Variants in CEP57 observed in about 807,000 individuals in gnomAD.
CEP57 encodes the protein centrosomal protein of 57 kDa.
A neutral mutation model predicts 68.0 loss-of-function variants in CEP57; 40 were observed. The observed-to-expected ratio is 0.59, with a 90% CI of 0.46 to 0.77. The LOEUF (loss-of-function observed/expected upper bound fraction) is 0.77. CEP57 is among the 30% of genes least tolerant of loss of function. The pLI is 0.00. For missense variants in CEP57, 606 were observed against 580.7 expected (o/e 1.04, Z -0.45); for synonymous variants, 219 against 198.7 (o/e 1.10, Z -0.86).
chr11:95,790,481 C>T, upstream of CEP57: 1 of 601,288 alleles, frequency 1.7e-6, no homozygotes, highest in Non-Finnish European at 3.0e-6. Flanking sequence ...GAAAGACGTC[C>T]GTTAGGACGT....
Position 95,791,030 on chromosome 11 carries a change from G to T in CEP57, c.45+287G>T, listed in dbSNP as rs1861029466. Among the ~76,000 whole-genome samples, 4 of 152,324 alleles carry T rather than the reference G, an allele frequency of 2.6e-5. No homozygotes were observed. In the South Asian group the frequency reaches 8.3e-4, roughly 32 times the overall value. ...GCCTAACATTCCCAAGGGCCGGCTG[G>T]GATAACTGCCCACTCCCTGGCCTGC... On this transcript the variant is annotated intron_variant, in intron 1 of 10. Coordinates refer to ENST00000325542, the MANE Select transcript of CEP57 (RefSeq NM_014679.5).
In CEP57 at chr11:95,827,893, T is replaced by G. The variant is rs768673146; in HGVS notation, c.993T>G (p.Pro331=). ...LCNDRVINSI[P]LAKQVSSRGG... ...ATGATCGAGTCATCAACAGTATTCC[T>G]TTGGCAAAGCAAGTATCTTCACGAG... Residue 331 remains proline (P), a synonymous_variant, in exon 9 of 11, where the codon CCT becomes CCG. Coordinates refer to ENST00000325542, the MANE Select transcript of CEP57 (RefSeq NM_014679.5). 12 of 1,614,148 alleles carry G rather than the reference T, an allele frequency of 7.4e-6. No homozygotes were observed. In the South Asian group the frequency reaches 1.3e-4, roughly 18 times the overall value.
chr11:95,794,335 CTG>C, intron 1 of CEP57: 1 of 455,854 alleles, frequency 2.2e-6, no homozygotes, highest in Non-Finnish European at 4.4e-6. Flanking sequence ...GCAAATATAA[CTG>C]AATGAATTAT....
intron 8 of CEP57, chr11:95,827,260 A>G (rs977235965): frequency 1.3e-5 from 2 of 155,706 alleles, no homozygotes; most frequent in African/African-American, 4.8e-5. Context: ...AGAAATGAAC[A>G]ATAGTGTCTA....
At position 95,819,581 on chromosome 11, in the gene CEP57, T is replaced by C. The variant is rs564660928; in HGVS notation, c.699+677T>C. Among the ~76,000 whole-genome samples the C allele has an allele frequency of 3.9e-5, 6 of 152,368 alleles. No individual in the cohort carries two copies. In the South Asian group the frequency reaches 1.2e-3, roughly 32 times the overall value. ...TTTTTAACTGAAGACACTCTCGTTA[T>C]GAGCGTATTTGCTCAAATTCCTCCC... On this transcript the variant is annotated intron_variant, in intron 6 of 10. Coordinates refer to ENST00000325542, the MANE Select transcript of CEP57 (RefSeq NM_014679.5).
intron 1 of CEP57, among the ~76,000 whole-genome samples, chr11:95,791,990 A>G (rs1320194688): frequency 6.6e-6 from 1 of 152,132 alleles, no homozygotes; most frequent in Non-Finnish European, 1.5e-5. Flanking sequence ...ATCTAGGGGG[A>G]AAGAGTTGGA....
chr11:95,824,922 A>G (rs961620687), intron 8 of CEP57, among the ~76,000 whole-genome samples: 14 of 152,204 alleles, frequency 9.2e-5, no homozygotes, highest in Admixed American at 8.5e-4. Flanking sequence ...TTTAGAAAAA[A>G]CATTGATCCA....
intron 4 of CEP57, among the ~76,000 whole-genome samples, chr11:95,814,841 T>C (rs1275316511): frequency 6.6e-6 from 1 of 152,186 alleles, no homozygotes; most frequent in Non-Finnish European, 1.5e-5. Flanking sequence ...TCAGTATCCA[T>C]GAGTGAATTG....
At chr11:95,820,942 C>T (rs1453176356) in intron 6 of CEP57, among the ~76,000 whole-genome samples, 2 of 152,188 alleles carry the variant, frequency 1.3e-5, no homozygotes, top group Admixed American at 1.3e-4. Context: ...CCCAAAGCTG[C>T]ACTCATGTGG....
At chr11:95,822,015 T>C (rs764244846) in intron 7 of CEP57, 37 bp downstream of exon 7, 1 of 1,385,312 alleles carries the variant, frequency 7.2e-7, no homozygotes, top group Non-Finnish European at 1.0e-6. Context: ...AAATGCTGAT[T>C]ACTTGGTATA....
rs185181743 is a variant in CEP57, at chr11:95,827,931, A to G, written c.1031A>G (p.Lys344Arg). ...KQVSSRGGKS[K>R]KLSVTPPSSN... Reference sequence around the variant, plus strand: ...GTATCTTCACGAGGTGGTAAAAGTAAGAAGTTGTCAGTAACACCTCCCTCC... The same window carrying G: ...GTATCTTCACGAGGTGGTAAAAGTAGGAAGTTGTCAGTAACACCTCCCTCC... Residue 344 changes from lysine to arginine, a missense_variant, in exon 9 of 11, where the codon AAG becomes AGG. Coordinates refer to ENST00000325542, the MANE Select transcript of CEP57 (RefSeq NM_014679.5). 7 of 1,614,178 alleles carry G rather than the reference A, an allele frequency of 4.3e-6. No homozygotes were observed. The highest frequency in any genetic ancestry group is 3.3e-5 in the Admixed American group (2 of 60,026).
At chr11:95,801,555 A>C (rs1281257760) in intron 2 of CEP57, among the ~76,000 whole-genome samples, 1 of 152,168 alleles carries the variant, frequency 6.6e-6, no homozygotes, top group Non-Finnish European at 1.5e-5. Flanking sequence ...CCATTTACAA[A>C]GTTCTAACAG....
chr11:95,811,672 AAT>A (rs1044423851), intron 2 of CEP57, among the ~76,000 whole-genome samples: 13 of 152,296 alleles, frequency 8.5e-5, no homozygotes, highest in Middle Eastern at 3.4e-3. Context: ...AAAGGCAGAT[AAT>A]AAAATGAAGA....
chr11:95,802,654 T>C (rs886534164), intron 2 of CEP57, among the ~76,000 whole-genome samples: 2 of 152,224 alleles, frequency 1.3e-5, no homozygotes, highest in African/African-American at 2.4e-5. Flanking sequence ...AATAGTAGTT[T>C]AGTGTTACTA....
At chr11:95,817,721 A>T in intron 4 of CEP57, 66 bp from the exon 5 acceptor site, 1 of 1,066,286 alleles carries the variant, frequency 9.4e-7, no homozygotes, top group Non-Finnish European at 1.5e-6. Context: ...ATAGAAAAAC[A>T]CTGCTCAGTG....
intron 4 of CEP57, among the ~76,000 whole-genome samples, chr11:95,816,108 G>C (rs1223909123): frequency 1.3e-5 from 2 of 152,124 alleles, no homozygotes. Flanking sequence ...AGGTTTAATT[G>C]ACTCACAGTT....
At chr11:95,828,118 TGTTGAGCAAGTATG>T in intron 9 of CEP57, 91 bp downstream of exon 9, 1 of 1,464,344 alleles carries the variant, frequency 6.8e-7, no homozygotes. Context: ...TACTTTCCTT[TGTTGAGCAAGTATG>T]GTTGAGCACA....
At chr11:95,796,591 A>G (rs1861359304) in intron 1 of CEP57, among the ~76,000 whole-genome samples, 2 of 152,244 alleles carry the variant, frequency 1.3e-5, no homozygotes, top group Non-Finnish European at 2.9e-5. Context: ...TATTCAACAG[A>G]TTTATTGAAC....
intron 2 of CEP57, among the ~76,000 whole-genome samples, chr11:95,805,974 A>T (rs1861781253): frequency 6.6e-6 from 1 of 152,220 alleles, no homozygotes; most frequent in Non-Finnish European, 1.5e-5. Context: ...TACAAAGTTT[A>T]TCTGATCTCG....
Sources: allele counts gnomAD v4.1 joint callset (sites outside exome capture counted in the v4.1 genomes callset), GRCh38; gene constraint gnomAD v4.1.1; transcripts MANE v1.5; gene names NCBI Gene and HGNC (gene_info 2026-07-23, HGNC 2026-07-21).